The following MCC variants were observed in gnomAD, a reference collection of about 807,000 sequenced individuals.
MCC encodes MCC regulator of Wnt signaling pathway.
A neutral mutation model predicts 116.2 loss-of-function variants in MCC; 90 were observed. The ratio of observed to expected loss-of-function variants is 0.77; its 90% confidence interval spans 0.65 to 0.92. The LOEUF is 0.92. MCC is among the 40% of genes least tolerant of loss of function. The pLI is 0.00. For missense variants in MCC, 1,516 were observed against 1,312.2 expected (o/e 1.16, Z -2.40); for synonymous variants, 578 against 510.5 (o/e 1.13, Z -1.78).
Position 113,130,254 on chromosome 5 carries a change from C to T in MCC, c.885-7428G>A, listed in dbSNP as rs554148627. Among the ~76,000 whole-genome samples the T allele has an allele frequency of 4.6e-3, 705 of 152,194 alleles. 7 individuals carry two copies. The highest frequency in any genetic ancestry group is 0.016 in the African/African-American group (676 of 41,534). On this transcript the variant is annotated intron_variant, in intron 5 of 18. Transcript: ENST00000408903. ...TACAGGAACAGAAAACCAAGCACCA[C>T]ATGTTCTCACTTATAAGTGGAAGTT...
intron 1 of MCC, among the ~76,000 whole-genome samples, chr5:113,446,322 T>C (rs375491470): frequency 1.2e-4 from 18 of 152,140 alleles, no homozygotes; most frequent in African/African-American, 3.9e-4. Context: ...ACCTACAGAA[T>C]GGAAAATAAA....
intron 3 of MCC, among the ~76,000 whole-genome samples, chr5:113,222,705 T>A (rs1581271995): frequency 6.6e-6 from 1 of 152,214 alleles, no homozygotes; most frequent in East Asian, 1.9e-4. Flanking sequence ...ATGGCACATA[T>A]TTCTGTTGTT....
At chr5:113,069,593 G>A (rs1363513477) in intron 12 of MCC, among the ~76,000 whole-genome samples, 1 of 152,176 alleles carries the variant, frequency 6.6e-6, no homozygotes, top group Admixed American at 6.5e-5. Context: ...CTTTGAGACG[G>A]AGTCTCGCTC....
intron 11 of MCC, among the ~76,000 whole-genome samples, chr5:113,078,342 G>C (rs1206792596): frequency 6.6e-6 from 1 of 152,148 alleles, no homozygotes; most frequent in Non-Finnish European, 1.5e-5. Context: ...AACTGGCAGA[G>C]ACACAACAAC....
intron 1 of MCC, among the ~76,000 whole-genome samples, chr5:113,455,827 A>C (rs1345163646): frequency 6.6e-6 from 1 of 152,220 alleles, no homozygotes; most frequent in Non-Finnish European, 1.5e-5. Context: ...AAACTTGTGA[A>C]AAAGCCGTCC....
At chr5:113,403,621 A>G (rs1017077936) in intron 1 of MCC, among the ~76,000 whole-genome samples, 5 of 152,198 alleles carry the variant, frequency 3.3e-5, no homozygotes, top group Admixed American at 6.5e-5. Context: ...GAGAGGTGGT[A>G]AAGTTCCAGC....
At chr5:113,290,480 T>G (rs1766447418) in intron 3 of MCC, among the ~76,000 whole-genome samples, 1 of 152,216 alleles carries the variant, frequency 6.6e-6, no homozygotes, top group Non-Finnish European at 1.5e-5. Flanking sequence ...AATTTTTATT[T>G]TTGTACATAA....
chr5:113,047,834 A>AG (rs979903320), intron 16 of MCC, among the ~76,000 whole-genome samples: 1 of 120,000 alleles, frequency 8.3e-6, no homozygotes, highest in African/African-American at 2.9e-5. Flanking sequence ...CTTGGATTCC[A>AG]GAAAAAAAAA....
intron 3 of MCC, among the ~76,000 whole-genome samples, chr5:113,193,796 T>C (rs1762256826): frequency 4.6e-5 from 7 of 152,206 alleles, no homozygotes; most frequent in Admixed American, 4.6e-4. Context: ...TACACCTAAG[T>C]CTATAGTCCA....
chr5:113,359,035 A>G (rs932005007), intron 2 of MCC, among the ~76,000 whole-genome samples: 9 of 152,214 alleles, frequency 5.9e-5, no homozygotes, highest in Admixed American at 4.6e-4. Context: ...AGGAAAAATA[A>G]AGAGCAATTC....
intron 3 of MCC, among the ~76,000 whole-genome samples, chr5:113,199,737 C>G (rs76021620): frequency 0.015 from 2,266 of 152,278 alleles, 47 homozygotes; most frequent in Non-Finnish European, 0.023. Context: ...TGCCAGCTTG[C>G]TGAAGTAAAT....
chr5:113,216,972 A>G (rs923557743), intron 3 of MCC, among the ~76,000 whole-genome samples: 4 of 152,244 alleles, frequency 2.6e-5, no homozygotes, highest in African/African-American at 7.2e-5. Flanking sequence ...TTGGTGCTCA[A>G]TAAGTAGAAA....
chr5:113,102,329 G>C (rs952232578), intron 7 of MCC, among the ~76,000 whole-genome samples: 6 of 152,328 alleles, frequency 3.9e-5, no homozygotes, highest in Middle Eastern at 3.4e-3. Context: ...GGTAATGTGA[G>C]GACAAACATG....
At chr5:113,441,044 A>T (rs910003347) in intron 1 of MCC, among the ~76,000 whole-genome samples, 4 of 152,190 alleles carry the variant, frequency 2.6e-5, no homozygotes, top group African/African-American at 9.6e-5. Flanking sequence ...TTAGAAAAAA[A>T]CAAGTTCTGT....
intron 2 of MCC, among the ~76,000 whole-genome samples, chr5:113,360,338 C>T (rs1465613904): frequency 2.0e-5 from 3 of 152,184 alleles, no homozygotes; most frequent in Non-Finnish European, 4.4e-5. Context: ...AGTTTGCATT[C>T]CAGAGACAAA....
In MCC at chr5:113,074,370, C is replaced by T. The variant is rs549305679; in HGVS notation, c.1785-3136G>A. Among the ~76,000 whole-genome samples, 72 of 152,294 alleles carry T rather than the reference C, an allele frequency of 4.7e-4. 1 individual carries two copies. The South Asian group carries it at 0.015, about 32-fold the overall frequency. ...ACAGAAAGGACATCCACACCAAAAC[C>T]CCATCTGTACATCACCATCATCAAT... On this transcript the variant is annotated intron_variant, in intron 11 of 18. Coordinates refer to ENST00000408903, the MANE Select transcript of MCC (RefSeq NM_001085377.2).
chr5:113,149,182 A>T (rs2150290034), intron 4 of MCC, among the ~76,000 whole-genome samples: 1 of 152,244 alleles, frequency 6.6e-6, no homozygotes, highest in Admixed American at 6.5e-5. Context: ...TAAATTAGAA[A>T]ACATAGTCAC....
chr5:113,245,274 G>A (rs6874561), intron 3 of MCC, among the ~76,000 whole-genome samples: 16,547 of 142,786 alleles, frequency 0.12, 2,218 homozygotes, highest in African/African-American at 0.34. Context: ...CCTAGGCAAC[G>A]AGAGAAACTC....
intron 1 of MCC, among the ~76,000 whole-genome samples, chr5:113,427,637 C>G (rs1269745174): frequency 6.6e-6 from 1 of 152,162 alleles, no homozygotes; most frequent in Non-Finnish European, 1.5e-5. Flanking sequence ...TTTGGGCTTT[C>G]TTATTTAATT....
Sources: allele counts gnomAD v4.1 joint callset (sites outside exome capture counted in the v4.1 genomes callset), GRCh38; gene constraint gnomAD v4.1.1; transcripts MANE v1.5; gene names NCBI Gene and HGNC (gene_info 2026-07-23, HGNC 2026-07-21).